Variants in AP1M2 observed in about 807,000 individuals in gnomAD.
AP1M2 encodes adaptor related protein complex 1 subunit mu 2.
Under a neutral mutation model 54.6 loss-of-function variants are expected in AP1M2, and 41 were observed. That is an observed-to-expected ratio of 0.75 (90% CI 0.59 to 0.97). AP1M2 has a LOEUF of 0.97. AP1M2 is among the 50% of genes least tolerant of loss of function. AP1M2 has a pLI of 0.00. For synonymous variants in AP1M2, 219 were observed against 215.9 expected (o/e 1.01, Z -0.13); for missense variants, 507 against 561.2 (o/e 0.90, Z 0.98).
chr19:10,581,318 C>T lies in AP1M2; in HGVS notation c.621G>A (p.Met207Ile). 6.2e-7 allele frequency: 1 copy of T among 1,613,938 alleles called. No individual in the cohort carries two copies. The highest frequency in any genetic ancestry group is 1.3e-5 in the African/African-American group (1 of 75,078). Reference sequence around the variant, plus strand: ...CATTGAGGCCCAGCCGCAGCTCTGGCATTCCTGACAGAAACACCTTGAGCT... The same window carrying T: ...CATTGAGGCCCAGCCGCAGCTCTGGTATTCCTGACAGAAACACCTTGAGCT... The part of the protein sequence containing the change: ...TIKLKVFLSG[M>I]PELRLGLNDR... Residue 207 changes from methionine to isoleucine, a missense_variant, in exon 6 of 12, where the codon ATG (methionine) becomes ATA (isoleucine). Coordinates refer to ENST00000250244, the MANE Select transcript of AP1M2 (RefSeq NM_005498.5).
chr19:10,576,800 G>A (rs574550808), intron 9 of AP1M2, among the ~76,000 whole-genome samples: 6 of 151,426 alleles, frequency 4.0e-5, no homozygotes, highest in Admixed American at 1.3e-4. Flanking sequence ...TCTGCCTCCC[G>A]GGTTCAAGCA....
chr19:10,574,885 C>G lies in AP1M2; in HGVS notation c.1173+19G>C, dbSNP rs1917175350. The G allele has an allele frequency of 6.3e-7, 1 of 1,596,320 alleles. No homozygotes were observed. Among genetic ancestry groups the G allele is most frequent in the Non-Finnish European group, 8.5e-7 (1 of 1,171,212 alleles). On this transcript the variant is annotated intron_variant, in intron 10 of 11. Transcript: ENST00000250244. ...CCACCGAAGTCAAGGGGAGGATCCT[C>G]CCTGCCTGCTTCTCTCACCTGGATC...
At chr19:10,586,638 G>A (rs1465658335) in intron 1 of AP1M2, among the ~76,000 whole-genome samples, 1 of 152,018 alleles carries the variant, frequency 6.6e-6, no homozygotes, top group East Asian at 1.9e-4. Context: ...GGAGACTGAG[G>A]CAGGAGGATC....
At chr19:10,575,578 T>G (rs1399778315) in intron 9 of AP1M2, among the ~76,000 whole-genome samples, 1 of 151,754 alleles carries the variant, frequency 6.6e-6, no homozygotes, top group Non-Finnish European at 1.5e-5. Flanking sequence ...AAAGCAATAG[T>G]GAGGAAGGTG....
rs752811747 is a variant in AP1M2, at chr19:10,581,404, C to T, written c.547-12G>A. ...CCGTTGGCATTGACCTGAGGGAGGA[C>T]GTTGGGTATAGTTAGCAGGCATCAA... is the stretch of plus-strand genomic sequence containing the variant. On this transcript the variant is annotated splice_polypyrimidine_tract_variant and intron_variant, in intron 5 of 11. Transcript: ENST00000250244. 5.6e-6 allele frequency: 9 copies of T among 1,609,632 alleles called. No homozygotes were observed. Among genetic ancestry groups the T allele is most frequent in the East Asian group, 4.5e-5 (2 of 44,716 alleles).
intron 1 of AP1M2, among the ~76,000 whole-genome samples, chr19:10,586,678 G>C (rs1306784674): frequency 6.6e-6 from 1 of 151,966 alleles, no homozygotes; most frequent in Non-Finnish European, 1.5e-5. Flanking sequence ...AGGCTGCAGT[G>C]AGCTATGATC....
In AP1M2 at chr19:10,581,849, C is replaced by G; in HGVS notation, c.297G>C (p.Glu99Asp). 3 of 1,613,780 alleles carry G rather than the reference C, an allele frequency of 1.9e-6. No individual in the cohort carries two copies. Among genetic ancestry groups the G allele is most frequent in the Non-Finnish European group, 2.5e-6 (3 of 1,179,918 alleles). ...CAAAGTTGTCCCGGATGCTCTCCTC[C>G]TCCAGCTCCTTGAAGTATTCGCAGA... ...EVFCEYFKEL[E>D]EESIRDNFVI... Residue 99 changes from glutamate to aspartate, a missense_variant, in exon 4 of 12, where the codon GAG becomes GAC. Physicochemically the swap from Glu to Asp is conservative, Grantham distance 45 (BLOSUM62 2). Transcript: ENST00000250244.
chr19:10,586,799 G>C (rs1917667473), intron 1 of AP1M2, among the ~76,000 whole-genome samples: 1 of 152,168 alleles, frequency 6.6e-6, no homozygotes, highest in Non-Finnish European at 1.5e-5. Flanking sequence ...ACAGATGGGG[G>C]GAGTTAGAGG....
chr19:10,585,343 G>GA (rs1263668106), intron 1 of AP1M2, among the ~76,000 whole-genome samples: 2 of 149,210 alleles, frequency 1.3e-5, no homozygotes, highest in South Asian at 4.2e-4. Context: ...AAGAAAGAAA[G>GA]AAAGAAAGAA....
At chr19:10,578,818 C>G in intron 8 of AP1M2, 74 bp downstream of exon 8, 4 of 1,229,952 alleles carry the variant, frequency 3.3e-6, no homozygotes, top group Non-Finnish European at 4.6e-6. Context: ...TCCCAAAGTG[C>G]TGGGATTACA....
rs1490520813 is a variant in AP1M2 at position 10,581,652 on chromosome 19, G to A, written c.399-18C>T. ...TGATGTACCTGGAGGGAGGGCGGCA[G>A]GGACAAGCAGCTGGACCCAGGGACA... On this transcript the variant is annotated intron_variant, in intron 4 of 11. Coordinates refer to ENST00000250244, the MANE Select transcript of AP1M2 (RefSeq NM_005498.5). 3 of 1,613,572 alleles carry A rather than the reference G, an allele frequency of 1.9e-6. No homozygotes were observed. Among genetic ancestry groups the A allele is most frequent in the Non-Finnish European group, 2.5e-6 (3 of 1,179,770 alleles).
chr19:10,586,440 G>A (rs1368811082), intron 1 of AP1M2, among the ~76,000 whole-genome samples: 1 of 139,032 alleles, frequency 7.2e-6, no homozygotes, highest in African/African-American at 2.8e-5. Flanking sequence ...GGGTGACAGA[G>A]CAAGACTCTA....
intron 9 of AP1M2, among the ~76,000 whole-genome samples, chr19:10,575,803 G>A (rs1599546956): frequency 9.3e-6 from 1 of 107,458 alleles, no homozygotes; most frequent in East Asian, 2.7e-4. Flanking sequence ...GTCTTACTCT[G>A]TCGCCCAGGC....
At position 10,574,784 on chromosome 19, in the gene AP1M2, G is replaced by T. The variant is rs1917170606; in HGVS notation, c.1173+120C>A. 3.0e-6 allele frequency: 4 copies of T among 1,326,992 alleles called. No homozygotes were observed. In the South Asian group the frequency reaches 6.1e-5, roughly 20 times the overall value. 82.2% of individuals were successfully genotyped at this position (1,326,992 alleles called of 1,614,324 possible). On this transcript the variant is annotated intron_variant, in intron 10 of 11. Transcript: ENST00000250244. ...GGTAACATTGCTCTGGGAAAGACCAGGCAGCCTTCAGAGGAGTGTTGACAC... is the reference window on the plus strand; with the variant it reads ...GGTAACATTGCTCTGGGAAAGACCATGCAGCCTTCAGAGGAGTGTTGACAC...
chr19:10,580,698 C>G (rs1359177915), intron 6 of AP1M2, among the ~76,000 whole-genome samples: 1 of 151,886 alleles, frequency 6.6e-6, no homozygotes, highest in Non-Finnish European at 1.5e-5. Context: ...GATGCTGAGC[C>G]AGGCACAGTA....
At chr19:10,586,887 T>A (rs947053779) in intron 1 of AP1M2, among the ~76,000 whole-genome samples, 13 of 152,184 alleles carry the variant, frequency 8.5e-5, no homozygotes, top group African/African-American at 3.1e-4. Context: ...ATTTGCTGAG[T>A]CCCTAATATT....
chr19:10,583,733 C>A, intron 2 of AP1M2, 60 bp from the exon 3 acceptor site: 1 of 1,548,904 alleles, frequency 6.5e-7, no homozygotes, highest in African/African-American at 1.4e-5. Context: ...GAATACAGAC[C>A]CCGAACCTCC....
At chr19:10,581,439 C>G (rs747731116) in intron 5 of AP1M2, 47 bp from the exon 6 acceptor site, 11 of 1,610,644 alleles carry the variant, frequency 6.8e-6, no homozygotes, top group Admixed American at 1.7e-5. Flanking sequence ...AACTCCGTCT[C>G]CTGCAGCCAG....
intron 7 of AP1M2, 116 bp from the exon 8 acceptor site, chr19:10,579,079 C>T (rs1917346206): frequency 1.3e-6 from 1 of 771,870 alleles, no homozygotes. Flanking sequence ...GGCTGAAGTG[C>T]CATGGCGTGA....
Sources: allele counts gnomAD v4.1 joint callset (sites outside exome capture counted in the v4.1 genomes callset), GRCh38; gene constraint gnomAD v4.1.1; transcripts MANE v1.5; gene names NCBI Gene and HGNC (gene_info 2026-07-23, HGNC 2026-07-21).